FAM20A: variants seen among roughly 807,000 people sequenced by gnomAD.
FAM20A encodes pseudokinase FAM20A.
A neutral mutation model predicts 52.0 loss-of-function variants in FAM20A; 42 were observed. The ratio of observed to expected loss-of-function variants is 0.81; its 90% confidence interval spans 0.63 to 1.04. The LOEUF is 1.04. FAM20A is among the 50% of genes least tolerant of loss of function. The probability of loss-of-function intolerance (pLI) is 0.00; values close to 1 mark genes in which losing one functional copy is unlikely to be tolerated. For synonymous variants in FAM20A, 304 were observed against 298.9 expected, an observed-to-expected ratio of 1.02 and a Z score of -0.18; for missense variants, 742 against 712.7, an observed-to-expected ratio of 1.04 and a Z score of -0.47.
At chr17:68,552,213 C>T (rs1353761697) in intron 3 of FAM20A, among the ~76,000 whole-genome samples, 1 of 151,742 alleles carries the variant, frequency 6.6e-6, no homozygotes, top group Non-Finnish European at 1.5e-5. Context: ...TTGAAACCAG[C>T]CTGGGCAACA....
At chr17:68,584,772 A>G (rs1030468657) in intron 1 of FAM20A, among the ~76,000 whole-genome samples, 5 of 152,192 alleles carry the variant, frequency 3.3e-5, no homozygotes, top group Non-Finnish European at 7.3e-5. Context: ...TGTCTTCACA[A>G]CTGCCAAAAA....
At chr17:68,590,984 C>T (rs1201339659) in intron 1 of FAM20A, among the ~76,000 whole-genome samples, 2 of 152,186 alleles carry the variant, frequency 1.3e-5, no homozygotes, top group African/African-American at 2.4e-5. Flanking sequence ...GAGAAACCTT[C>T]TCTGTCTAGT....
At chr17:68,597,371 T>C (rs1429654842) in intron 1 of FAM20A, among the ~76,000 whole-genome samples, 1 of 151,110 alleles carries the variant, frequency 6.6e-6, no homozygotes, top group East Asian at 2.0e-4. Context: ...ATGTTAGGTA[T>C]TGGCATGGAG....
intron 4 of FAM20A, among the ~76,000 whole-genome samples, chr17:68,549,202 G>A (rs2143623188): frequency 6.6e-6 from 1 of 152,200 alleles, no homozygotes; most frequent in East Asian, 1.9e-4. Flanking sequence ...TTTAAAAAAT[G>A]AAAGGCATCC....
intron 1 of FAM20A, among the ~76,000 whole-genome samples, chr17:68,566,383 A>T (rs2087377479): frequency 6.6e-6 from 1 of 152,196 alleles, no homozygotes; most frequent in Non-Finnish European, 1.5e-5. Context: ...GAAGCTCTCC[A>T]CTAGTACTGA....
At chr17:68,548,723 ATATTTTTT>A (rs1352130497) in intron 4 of FAM20A, among the ~76,000 whole-genome samples, 2 of 118,016 alleles carry the variant, frequency 1.7e-5, no homozygotes, top group South Asian at 2.8e-4. Context: ...CTATGCCTGT[ATATTTTTT>A]TTTTTTTTTT....
At chr17:68,586,285 A>G (rs894043422) in intron 1 of FAM20A, among the ~76,000 whole-genome samples, 7 of 152,218 alleles carry the variant, frequency 4.6e-5, no homozygotes, top group Non-Finnish European at 1.0e-4. Flanking sequence ...TTTATCTAAA[A>G]GATTAAATTT....
rs1423283777 is a variant in FAM20A, at chr17:68,600,607, G to A, written c.60C>T (p.Ser20=). The A allele has an allele frequency of 3.8e-6, 6 of 1,562,990 alleles. No individual in the cohort carries two copies. The highest frequency in any genetic ancestry group is 2.7e-5 in the African/African-American group (2 of 74,106). ...LTLLLLGALL[S]ADLYFHLWPQ... is the part of the protein sequence containing the mutation. Reference sequence around the variant, plus strand: ...GCCAGAGGTGGAAGTAGAGGTCGGCGGAGAGCAGCGCGCCCAGCAGCAGCA... The same window carrying A: ...GCCAGAGGTGGAAGTAGAGGTCGGCAGAGAGCAGCGCGCCCAGCAGCAGCA... The change falls in exon 1 of 11, where the codon TCC becomes TCT. Residue 20 remains serine (S), a synonymous_variant. Coordinates refer to ENST00000592554, the MANE Select transcript of FAM20A (RefSeq NM_017565.4). The surrounding 1 kb of genome is among the most constrained non-coding windows in gnomAD (Gnocchi z 6.2).
intron 1 of FAM20A, among the ~76,000 whole-genome samples, chr17:68,557,758 G>A (rs892270899): frequency 6.6e-6 from 1 of 152,140 alleles, no homozygotes; most frequent in African/African-American, 2.4e-5. Flanking sequence ...AGGAGAATAC[G>A]GTAATCACCA....
intron 1 of FAM20A, among the ~76,000 whole-genome samples, chr17:68,560,454 A>G (rs2087182497): frequency 6.6e-6 from 1 of 152,152 alleles, no homozygotes; most frequent in South Asian, 2.1e-4. Flanking sequence ...TAGACACTGA[A>G]TCTGCTGGTG....
intron 1 of FAM20A, among the ~76,000 whole-genome samples, chr17:68,597,217 A>G (rs1365200941): frequency 7.5e-6 from 1 of 133,148 alleles, no homozygotes; most frequent in African/African-American, 2.9e-5. Flanking sequence ...GATGGTCAAA[A>G]TTACAAAAAA....
At position 68,554,819 on chromosome 17, in the gene FAM20A, G is replaced by C; in HGVS notation, c.598C>G (p.Gln200Glu). 1 of 1,614,146 alleles carries C rather than the reference G, an allele frequency of 6.2e-7. No individual in the cohort carries two copies. Among genetic ancestry groups the C allele is most frequent in the Non-Finnish European group, 8.5e-7 (1 of 1,180,004 alleles). The change falls in exon 3 of 11, where the codon CAA becomes GAA. Residue 200 changes from glutamine to glutamate, a missense_variant. Physicochemically the swap from Gln to Glu is conservative, Grantham distance 29. Transcript: ENST00000592554. Reference sequence around the variant, plus strand: ...GCCCCCAGCAAGGCTTTCTCATCTTGACTGTAATCTGCAAAGGAGGAGAAG... The same window carrying C: ...GCCCCCAGCAAGGCTTTCTCATCTTCACTGTAATCTGCAAAGGAGGAGAAG... The part of the protein sequence containing the change: ...HFPTISADYS[Q>E]DEKALLGACD...
At chr17:68,593,006 A>G (rs931800118) in intron 1 of FAM20A, among the ~76,000 whole-genome samples, 10 of 152,228 alleles carry the variant, frequency 6.6e-5, no homozygotes, top group African/African-American at 2.4e-4. Context: ...CTTCAAACTC[A>G]GTTCTGTCCT....
Position 68,543,713 on chromosome 17 carries a change from C to T in FAM20A, c.728G>A (p.Arg243Gln), listed in dbSNP as rs1410570404. 7 of 1,613,966 alleles carry T rather than the reference C, an allele frequency of 4.3e-6. No individual in the cohort carries two copies. The Admixed American group carries it at 5.0e-5, about 12-fold the overall frequency. The change falls in exon 5 of 11, where the codon CGA (arginine) becomes CAA (glutamine). Residue 243 changes from arginine (R) to glutamine (Q), a missense_variant. Arg to Gln is a conservative substitution (Grantham distance 43). Coordinates refer to ENST00000592554, the MANE Select transcript of FAM20A (RefSeq NM_017565.4). ...KAMFKPMRQQ[R>Q]DEETPVDFFY... is the part of the protein sequence containing the mutation. ...GAAGTCCACTGGTGTCTCCTCATCT[C>T]GCTGCTGTCTGGAAGGAAGGAAGGA...
In FAM20A at chr17:68,586,368, T is replaced by C. The variant is rs1184559096; in HGVS notation, c.404+13895A>G. Among the ~76,000 whole-genome samples, 13 of 152,202 alleles carry C rather than the reference T, an allele frequency of 8.5e-5. No homozygotes were observed. The East Asian group carries it at 2.5e-3, about 29-fold the overall frequency. On this transcript the variant is annotated intron_variant, in intron 1 of 10. Coordinates refer to ENST00000592554, the MANE Select transcript of FAM20A (RefSeq NM_017565.4). ...GTCATGGAACATGATTCAAGTGGAC[T>C]GAATGGTCCCCCAAAAGATAATCCC...
intron 1 of FAM20A, among the ~76,000 whole-genome samples, chr17:68,570,008 A>G (rs1189170301): frequency 6.6e-6 from 1 of 152,230 alleles, no homozygotes; most frequent in Non-Finnish European, 1.5e-5. Context: ...CCACAAAGGT[A>G]GAGTCTATTT....
rs1326471816 is a variant in FAM20A at position 68,555,594 on chromosome 17, A to C, written c.554T>G (p.Leu185Arg). The C allele has an allele frequency of 1.2e-6, 2 of 1,613,210 alleles. No individual in the cohort carries two copies. The highest frequency in any genetic ancestry group is 1.3e-5 in the African/African-American group (1 of 74,900). The stretch of plus-strand genomic sequence containing the variant: ...GGTGGGAAAGTGCCTCATGTCTTGC[A>C]GAAGTTTGCTGACAACAGGGCTGGA... The part of the protein sequence containing the change: ...SRSSPVVSKL[L>R]QDMRHFPTIS... Residue 185 changes from leucine to arginine, a missense_variant, in exon 2 of 11, where the codon CTG becomes CGG. Transcript: ENST00000592554.
Position 68,542,690 on chromosome 17 carries a change from C to CT in FAM20A, c.928+3dup. 3 of 1,609,370 alleles carry CT rather than the reference C, an allele frequency of 1.9e-6. No homozygotes were observed. The highest frequency in any genetic ancestry group is 2.6e-6 in the Non-Finnish European group (3 of 1,175,698). On this transcript the variant is annotated splice_donor_region_variant and intron_variant, in intron 6 of 10. Transcript: ENST00000592554. The stretch of plus-strand genomic sequence containing the variant: ...CCGGAATATCACTCGGGCCAGTACT[C>CT]TACCTGGAGAGACAAAGAAAACACT...
chr17:68,549,075 T>C (rs1007468193), intron 4 of FAM20A, among the ~76,000 whole-genome samples: 4 of 152,180 alleles, frequency 2.6e-5, no homozygotes, highest in African/African-American at 9.7e-5. Context: ...TGTATTAGGC[T>C]GTGAGTTATG....
Sources: allele counts gnomAD v4.1 joint callset (sites outside exome capture counted in the v4.1 genomes callset), GRCh38; gene constraint gnomAD v4.1.1; non-coding constraint Gnocchi (gnomAD v3.1); transcripts MANE v1.5; gene names NCBI Gene and HGNC (gene_info 2026-07-23, HGNC 2026-07-21).